GPR39: variants seen among roughly 807,000 people sequenced by gnomAD.
GPR39 encodes the protein G protein-coupled receptor 39.
GPR39 carries 23 observed loss-of-function variants against 18.4 expected under a neutral mutation model. The observed-to-expected ratio is 1.25, with a 90% confidence interval of 0.90 to 1.77. The LOEUF is 1.77. Ranked by LOEUF, GPR39 falls within the 40% of genes most tolerant of loss-of-function variation. GPR39 has a pLI of 0.00. For synonymous variants in GPR39, 280 were observed against 257.9 expected (o/e 1.09, Z -0.82); for missense variants, 647 against 602.4 (o/e 1.07, Z -0.78).
intron 1 of GPR39, among the ~76,000 whole-genome samples, chr2:132,598,958 A>C (rs1351982469): frequency 6.6e-6 from 1 of 152,134 alleles, no homozygotes; most frequent in East Asian, 1.9e-4. Context: ...ATGATGTAGC[A>C]GGGAAATAAA....
intron 1 of GPR39, among the ~76,000 whole-genome samples, chr2:132,600,141 C>G (rs1173594822): frequency 6.6e-6 from 1 of 152,058 alleles, no homozygotes; most frequent in African/African-American, 2.4e-5. Flanking sequence ...ACAAAATGTC[C>G]CTGAACAACC....
intron 1 of GPR39, among the ~76,000 whole-genome samples, chr2:132,474,668 C>A (rs528417752): frequency 6.6e-6 from 1 of 152,226 alleles, no homozygotes; most frequent in Non-Finnish European, 1.5e-5. Context: ...CCATAGATTT[C>A]TATTGATCGA....
intron 1 of GPR39, among the ~76,000 whole-genome samples, chr2:132,585,617 C>T (rs1212480808): frequency 6.6e-6 from 1 of 152,166 alleles, no homozygotes; most frequent in African/African-American, 2.4e-5. Context: ...GCTCCGGCCG[C>T]CCCCGGGATG....
intron 1 of GPR39, among the ~76,000 whole-genome samples, chr2:132,440,125 T>G (rs1267599772): frequency 1.3e-5 from 2 of 152,144 alleles, no homozygotes; most frequent in East Asian, 1.9e-4. Flanking sequence ...TAGAGAAATA[T>G]TACAGAGTCC....
Position 132,493,625 on chromosome 2 carries a change from T to C in GPR39, c.856+75727T>C, listed in dbSNP as rs112095143. Among the ~76,000 whole-genome samples the C allele has an allele frequency of 4.1e-3, 623 of 151,346 alleles. 3 individuals are homozygous for C. Among genetic ancestry groups the C allele is most frequent in the African/African-American group, 0.013 (539 of 41,142 alleles). On this transcript the variant is annotated intron_variant, in intron 1 of 1. Transcript: ENST00000329321. ...CATGATGAGTCTGCCATTTCTGATA[T>C]GTGCAGTTAGGTAGATGGTGACCAC...
chr2:132,617,948 A>G (rs1681366867), intron 1 of GPR39, among the ~76,000 whole-genome samples: 1 of 152,228 alleles, frequency 6.6e-6, no homozygotes, highest in Admixed American at 6.5e-5. Flanking sequence ...TCCAAAAGTC[A>G]GAAGTGGGCT....
chr2:132,595,763 C>G (rs1680933925), intron 1 of GPR39, among the ~76,000 whole-genome samples: 1 of 152,096 alleles, frequency 6.6e-6, no homozygotes, highest in African/African-American at 2.4e-5. Flanking sequence ...TCCTGCCAAG[C>G]CCCTGTGTCA....
chr2:132,582,774 C>T (rs1390907389), intron 1 of GPR39, among the ~76,000 whole-genome samples: 1 of 152,154 alleles, frequency 6.6e-6, no homozygotes, highest in African/African-American at 2.4e-5. Context: ...CTTCCAACCC[C>T]TTTTTTACCT....
At chr2:132,627,053 G>A (rs536180278) in intron 1 of GPR39, among the ~76,000 whole-genome samples, 1 of 152,122 alleles carries the variant, frequency 6.6e-6, no homozygotes, top group Non-Finnish European at 1.5e-5. Context: ...AGAGTTACAG[G>A]CTTGTTTTCC....
At chr2:132,524,161 A>G (rs553079490) in intron 1 of GPR39, among the ~76,000 whole-genome samples, 2 of 152,194 alleles carry the variant, frequency 1.3e-5, no homozygotes, top group Non-Finnish European at 2.9e-5. Flanking sequence ...TGCTGTGGCC[A>G]TGTGTGGGAT....
At chr2:132,586,991 C>G (rs769102447) in intron 1 of GPR39, among the ~76,000 whole-genome samples, 1 of 152,238 alleles carries the variant, frequency 6.6e-6, no homozygotes. Context: ...GGGTATCTCT[C>G]ATACTGTATC....
intron 1 of GPR39, among the ~76,000 whole-genome samples, chr2:132,525,060 C>T (rs1261797874): frequency 6.6e-6 from 1 of 152,168 alleles, no homozygotes; most frequent in African/African-American, 2.4e-5. Context: ...CATCAGCTGC[C>T]CCTGGAATTT....
chr2:132,611,831 A>T (rs1681244484), intron 1 of GPR39, among the ~76,000 whole-genome samples: 1 of 152,156 alleles, frequency 6.6e-6, no homozygotes, highest in Admixed American at 6.5e-5. Flanking sequence ...GGGCATCTAC[A>T]TGTAGTAAAC....
chr2:132,452,435 TCTTA>T (rs1680645977), intron 1 of GPR39, among the ~76,000 whole-genome samples: 1 of 152,170 alleles, frequency 6.6e-6, no homozygotes, highest in Non-Finnish European at 1.5e-5. Context: ...TTCATTCTGT[TCTTA>T]CTTTTTTCAA....
intron 1 of GPR39, among the ~76,000 whole-genome samples, chr2:132,587,778 A>G (rs988360651): frequency 6.6e-6 from 1 of 151,348 alleles, no homozygotes; most frequent in Non-Finnish European, 1.5e-5. Context: ...CAGGTGATCC[A>G]CCCGCCTCAG....
intron 1 of GPR39, among the ~76,000 whole-genome samples, chr2:132,573,699 A>G (rs1462731609): frequency 2.0e-5 from 3 of 152,184 alleles, no homozygotes; most frequent in African/African-American, 7.2e-5. Context: ...CAAGGAGAGG[A>G]TTCCATACCC....
At chr2:132,528,543 T>C (rs949788833) in intron 1 of GPR39, among the ~76,000 whole-genome samples, 1 of 152,236 alleles carries the variant, frequency 6.6e-6, no homozygotes, top group African/African-American at 2.4e-5. Context: ...TTCACACTAT[T>C]GATTCTTCCT....
intron 1 of GPR39, among the ~76,000 whole-genome samples, chr2:132,631,539 T>C (rs1270021485): frequency 6.6e-6 from 1 of 152,210 alleles, no homozygotes; most frequent in Non-Finnish European, 1.5e-5. Flanking sequence ...TCAGCTCTAA[T>C]TCAAACACAG....
chr2:132,541,298 G>C (rs766648229), intron 1 of GPR39, among the ~76,000 whole-genome samples: 3 of 152,106 alleles, frequency 2.0e-5, no homozygotes, highest in South Asian at 2.1e-4. Flanking sequence ...TAGCCAGGCT[G>C]TTATCGAACT....
Sources: allele counts gnomAD v4.1 joint callset (sites outside exome capture counted in the v4.1 genomes callset), GRCh38; gene constraint gnomAD v4.1.1; transcripts MANE v1.5; gene names NCBI Gene and HGNC (gene_info 2026-07-23, HGNC 2026-07-21).